Variants in THSD7B observed in about 807,000 individuals in gnomAD.
THSD7B encodes the protein thrombospondin type-1 domain-containing protein 7B.
A neutral mutation model predicts 213.6 loss-of-function variants in THSD7B; 138 were observed. The observed-to-expected ratio is 0.65, with a 90% confidence interval of 0.56 to 0.74. The LOEUF is 0.74. Ranked by LOEUF, THSD7B falls within the 30% of genes least tolerant of loss-of-function variation. The pLI is 0.00. For missense variants in THSD7B, 1,931 were observed against 1,991.5 expected, an observed-to-expected ratio of 0.97 and a Z score of 0.58; for synonymous variants, 742 against 687.0, an observed-to-expected ratio of 1.08 and a Z score of -1.25.
chr2:137,009,358 A>G (rs184225952), intron 2 of THSD7B, among the ~76,000 whole-genome samples: 162 of 152,282 alleles, frequency 1.1e-3, no homozygotes, highest in Middle Eastern at 3.4e-3. Context: ...TTTGAACCAG[A>G]TAATTCTTTG....
At chr2:137,167,793 C>T (rs557831557) in intron 6 of THSD7B, among the ~76,000 whole-genome samples, 1 of 152,190 alleles carries the variant, frequency 6.6e-6, no homozygotes, top group Non-Finnish European at 1.5e-5. Flanking sequence ...TTATGGCTCT[C>T]CCCTGCTGTG....
chr2:136,875,466 C>T (rs1683512347), intron 1 of THSD7B, among the ~76,000 whole-genome samples: 1 of 147,130 alleles, frequency 6.8e-6, no homozygotes. Flanking sequence ...TTTCCGTCAG[C>T]TCAGTAGAAA....
intron 2 of THSD7B, among the ~76,000 whole-genome samples, chr2:136,973,488 C>G (rs1386156408): frequency 2.0e-5 from 3 of 151,962 alleles, no homozygotes; most frequent in Non-Finnish European, 4.4e-5. Flanking sequence ...TATTTTATAT[C>G]AATATTTGTC....
chr2:137,363,467 T>C (rs1025755173), intron 12 of THSD7B, among the ~76,000 whole-genome samples: 2 of 151,734 alleles, frequency 1.3e-5, no homozygotes, highest in Admixed American at 1.3e-4. Flanking sequence ...TTTGAAAAGA[T>C]CAACAAAATT....
chr2:137,325,169 T>TTTTGTTTTTGTC (rs1684343196), intron 12 of THSD7B, among the ~76,000 whole-genome samples: 1 of 151,770 alleles, frequency 6.6e-6, no homozygotes, highest in African/African-American at 2.4e-5. Context: ...TTTTTTGTTT[T>TTTTGTTTTTGTC]TTTGTTTTTG....
At chr2:137,095,154 G>T in intron 4 of THSD7B, 33 bp downstream of exon 4, 2 of 1,607,154 alleles carry the variant, frequency 1.2e-6, no homozygotes, top group Non-Finnish European at 1.7e-6. Flanking sequence ...TTAGTGTGAA[G>T]GAGGCATAAT....
At chr2:136,920,827 C>A (rs927422118) in intron 2 of THSD7B, among the ~76,000 whole-genome samples, 3 of 152,118 alleles carry the variant, frequency 2.0e-5, no homozygotes, top group African/African-American at 7.2e-5. Context: ...CAGAAGGAGC[C>A]GAAGTGGCAG....
Position 136,896,924 on chromosome 2 carries a change from A to C in THSD7B, c.139+14607A>C, listed in dbSNP as rs528192068. ...ATAGTCTATACATAATCCTTATGCC[A>C]GTACTATATACATATATACATATAT... On this transcript the variant is annotated intron_variant, in intron 2 of 27. Coordinates refer to ENST00000409968, the MANE Select transcript of THSD7B (RefSeq NM_001316349.2). Among the ~76,000 whole-genome samples, 11 of 151,256 alleles carry C rather than the reference A, an allele frequency of 7.3e-5. No homozygotes were observed. In the South Asian group the frequency reaches 2.3e-3, roughly 32 times the overall value.
intron 12 of THSD7B, among the ~76,000 whole-genome samples, chr2:137,374,126 G>A (rs1183706945): frequency 6.6e-6 from 1 of 151,970 alleles, no homozygotes; most frequent in Non-Finnish European, 1.5e-5. Flanking sequence ...ATAAAGGGAA[G>A]GTCATACATA....
chr2:137,137,233 A>G (rs1299533333), intron 5 of THSD7B, among the ~76,000 whole-genome samples: 3 of 152,130 alleles, frequency 2.0e-5, no homozygotes, highest in Non-Finnish European at 4.4e-5. Flanking sequence ...ACACATTTCT[A>G]TCACCCCCAG....
chr2:137,495,493 GTTC>G (rs1558815885), intron 15 of THSD7B, among the ~76,000 whole-genome samples: 1 of 152,110 alleles, frequency 6.6e-6, no homozygotes, highest in African/African-American at 2.4e-5. Context: ...TTACGGAAGT[GTTC>G]TTCTCAATGC....
At chr2:136,807,334 C>A (rs1179909910) in intron 1 of THSD7B, among the ~76,000 whole-genome samples, 2 of 152,082 alleles carry the variant, frequency 1.3e-5, no homozygotes, top group African/African-American at 4.8e-5. Context: ...AGCATGGACT[C>A]ATGAATATCT....
At chr2:137,468,106 A>C (rs1347881554) in intron 15 of THSD7B, among the ~76,000 whole-genome samples, 1 of 152,200 alleles carries the variant, frequency 6.6e-6, no homozygotes, top group African/African-American at 2.4e-5. Flanking sequence ...TCTGTAGACT[A>C]TTGAAGTTGA....
At chr2:137,454,980 G>C (rs936211932) in intron 15 of THSD7B, among the ~76,000 whole-genome samples, 3 of 140,678 alleles carry the variant, frequency 2.1e-5, no homozygotes, top group African/African-American at 5.3e-5. Flanking sequence ...GATACATTAT[G>C]TGTCAGATTG....
intron 12 of THSD7B, among the ~76,000 whole-genome samples, chr2:137,304,885 T>C (rs1241500202): frequency 2.0e-5 from 3 of 152,152 alleles, no homozygotes; most frequent in Admixed American, 2.0e-4. Context: ...TGCATGTATA[T>C]TCATAATGTA....
At chr2:137,512,216 AT>A (rs1679975528) in intron 15 of THSD7B, 1 of 152,090 alleles carries the variant, frequency 6.6e-6, no homozygotes, top group Non-Finnish European at 1.5e-5. Flanking sequence ...CCATAGAGCA[AT>A]TTTAAACTTG....
intron 12 of THSD7B, among the ~76,000 whole-genome samples, chr2:137,360,763 C>T (rs61654832): frequency 0.029 from 4,388 of 152,208 alleles, 221 homozygotes; most frequent in African/African-American, 0.1. Flanking sequence ...CTCTGTACAC[C>T]CCACCTCTGG....
At chr2:136,942,073 A>G (rs190162990) in intron 2 of THSD7B, among the ~76,000 whole-genome samples, 1 of 152,316 alleles carries the variant, frequency 6.6e-6, no homozygotes, top group African/African-American at 2.4e-5. Context: ...ATAGCTAGCC[A>G]GTTTTCCTAG....
chr2:137,294,732 T>C (rs1253424557), intron 12 of THSD7B, among the ~76,000 whole-genome samples: 1 of 152,066 alleles, frequency 6.6e-6, no homozygotes, highest in African/African-American at 2.4e-5. Context: ...TAGGTATGTA[T>C]GTATAGGAAA....
Sources: allele counts gnomAD v4.1 joint callset (sites outside exome capture counted in the v4.1 genomes callset), GRCh38; gene constraint gnomAD v4.1.1; transcripts MANE v1.5; gene names NCBI Gene and HGNC (gene_info 2026-07-23, HGNC 2026-07-21).